EPB42: variants seen among roughly 807,000 people sequenced by gnomAD.
EPB42 encodes the protein protein 4.2.
EPB42 carries 49 observed loss-of-function variants against 76.9 expected under a neutral mutation model. That is an observed-to-expected ratio of 0.64 (90% CI 0.51 to 0.81). The LOEUF (loss-of-function observed/expected upper bound fraction) is 0.81. EPB42 is among the 30% of genes least tolerant of loss of function. The pLI, the probability that EPB42 is intolerant of heterozygous loss-of-function variation, is 0.00. For synonymous variants in EPB42, 310 were observed against 338.4 expected, an observed-to-expected ratio of 0.92 and a Z score of 0.92; for missense variants, 731 against 867.6, an observed-to-expected ratio of 0.84 and a Z score of 1.98.
intron 11 of EPB42, 74 bp downstream of exon 11, chr15:43,203,041 G>A (rs2042149102): frequency 3.2e-6 from 5 of 1,558,376 alleles, no homozygotes; most frequent in Non-Finnish European, 4.4e-6. Flanking sequence ...GCTCTGAAGG[G>A]GCCTGGATTC....
At chr15:43,202,042 A>C in intron 11 of EPB42, 65 bp from the exon 12 acceptor site, 1 of 1,610,194 alleles carries the variant, frequency 6.2e-7, no homozygotes, top group Admixed American at 1.7e-5. Context: ...CTCTCCTCCC[A>C]TGCACCCCTG....
Position 43,206,464 on chromosome 15 carries a change from A to C in EPB42, c.1484T>G (p.Val495Gly). ...CTGCTCACTGTGATTAACCAGCGTCACTGAGATCTGGGCATCCCCTCTCAG... is the reference window on the plus strand; with the variant it reads ...CTGCTCACTGTGATTAACCAGCGTCCCTGAGATCTGGGCATCCCCTCTCAG... ...LPLRGDAQIS[V>G]TLVNHSEQEK... The change falls in exon 10 of 13, where the codon GTG (valine) becomes GGG (glycine). Residue 495 changes from valine (V) to glycine (G), a missense_variant. Val to Gly is a moderately radical substitution (Grantham distance 109, BLOSUM62 -3). Transcript: ENST00000441366. The surrounding 1 kb of genome is among the most constrained non-coding windows in gnomAD (Gnocchi z 4.7). 6.2e-7 allele frequency: 1 copy of C among 1,614,192 alleles called. No individual in the cohort carries two copies. Among genetic ancestry groups the C allele is most frequent in the East Asian group, 2.2e-5 (1 of 44,878 alleles).
chr15:43,203,052 C>T, intron 11 of EPB42, 63 bp downstream of exon 11: 1 of 1,602,968 alleles, frequency 6.2e-7, no homozygotes, highest in East Asian at 2.2e-5. Flanking sequence ...GCCTGGATTC[C>T]TTCTGAAATG....
Position 43,215,312 on chromosome 15 carries a change from C to G in EPB42, c.213G>C (p.Lys71Asn). 1 of 1,614,216 alleles carries G rather than the reference C, an allele frequency of 6.2e-7. No homozygotes were observed. The highest frequency in any genetic ancestry group is 1.1e-5 in the South Asian group (1 of 91,088). ...LTAQTGEQPS[K>N]INRTQATFPI... ...GGAATGTGGCTTGGGTCCTGTTGAT[C>G]TTGGAAGGCTGCTCTCCTGTAGTCA... The change falls in exon 3 of 13, where the codon AAG becomes AAC. Residue 71 changes from lysine (K) to asparagine (N), a missense_variant. Coordinates refer to ENST00000441366, the MANE Select transcript of EPB42 (RefSeq NM_001114134.2).
Position 43,201,978 on chromosome 15 carries a change from C to A in EPB42, c.1780-1G>T, listed in dbSNP as rs910684161. On this transcript the variant is annotated splice_acceptor_variant, in intron 11 of 12. Transcript: ENST00000441366. LOFTEE classifies it high-confidence loss of function. ...GATACTGCTCTGCTTTCTCTGGCATCTGTGGGAAGAGGCAATACCTGGTGT... is the reference window on the plus strand; with the variant it reads ...GATACTGCTCTGCTTTCTCTGGCATATGTGGGAAGAGGCAATACCTGGTGT... 1 of 1,613,920 alleles carries A rather than the reference C, an allele frequency of 6.2e-7. No individual in the cohort carries two copies. Among genetic ancestry groups the A allele is most frequent in the Non-Finnish European group, 8.5e-7 (1 of 1,180,012 alleles).
intron 12 of EPB42, among the ~76,000 whole-genome samples, chr15:43,200,199 C>A (rs2042105788): frequency 1.3e-5 from 2 of 152,080 alleles, no homozygotes; most frequent in African/African-American, 4.8e-5. Flanking sequence ...AGCTTTGCCC[C>A]ACAACTGATT....
chr15:43,211,340 C>A (rs1175735906), intron 4 of EPB42, 76 bp downstream of exon 4: 4 of 968,972 alleles, frequency 4.1e-6, no homozygotes, highest in Admixed American at 3.4e-5. Flanking sequence ...TTGGACCTAC[C>A]AGCTCTGTCT....
At position 43,220,916 on chromosome 15, in the gene EPB42, C is replaced by T. The variant is rs917571328; in HGVS notation, c.-91G>A. On this transcript the variant is annotated 5_prime_UTR_variant, in exon 1 of 13. Transcript: ENST00000441366. Reference sequence around the variant, plus strand: ...GGCTCCTTCTGGGCTTTCTGTCTTCCAGACAGAAAATATGAAGGCACTTTT... The same window carrying T: ...GGCTCCTTCTGGGCTTTCTGTCTTCTAGACAGAAAATATGAAGGCACTTTT... 50 of 1,254,546 alleles carry T rather than the reference C, an allele frequency of 4.0e-5. No homozygotes were observed. Among genetic ancestry groups the T allele is most frequent in the Middle Eastern group, 2.1e-4 (1 of 4,842 alleles). The allele number at this position is 1,254,546 out of a possible 1,614,324, so 77.7% of individuals were successfully genotyped here.
intron 12 of EPB42, among the ~76,000 whole-genome samples, chr15:43,200,052 G>C (rs1005005160): frequency 6.6e-6 from 1 of 152,162 alleles, no homozygotes; most frequent in African/African-American, 2.4e-5. Flanking sequence ...TGGAACCCTT[G>C]CTTATTGCTA....
At chr15:43,208,421 G>C (rs1261460542) in intron 7 of EPB42, 88 bp from the exon 8 acceptor site, 1 of 1,468,098 alleles carries the variant, frequency 6.8e-7, no homozygotes. Context: ...AGCTGTTGTT[G>C]TTCCAGTGGG....
At chr15:43,214,180 T>C (rs1026967082) in intron 3 of EPB42, among the ~76,000 whole-genome samples, 1 of 152,202 alleles carries the variant, frequency 6.6e-6, no homozygotes, top group African/African-American at 2.4e-5. Flanking sequence ...GTGGGTGAGA[T>C]AGATTTAAAA....
chr15:43,202,020 G>C (rs1567271376), intron 11 of EPB42, 43 bp from the exon 12 acceptor site: 2 of 1,612,836 alleles, frequency 1.2e-6, no homozygotes, highest in Non-Finnish European at 1.7e-6. Flanking sequence ...CAAGGGCACA[G>C]CTGCAGTCAC....
At position 43,197,231 on chromosome 15, in the gene EPB42, T is replaced by G; in HGVS notation, c.*71A>C. On this transcript the variant is annotated 3_prime_UTR_variant, in exon 13 of 13. Coordinates refer to ENST00000441366, the MANE Select transcript of EPB42 (RefSeq NM_001114134.2). ...CACAAACACTGAGACGCAAAGTTTC[T>G]CTTCCTAGCACATGTTTGGTTTAGA... The G allele has an allele frequency of 6.2e-7, 1 of 1,601,896 alleles. No homozygotes were observed. The highest frequency in any genetic ancestry group is 1.3e-5 in the African/African-American group (1 of 74,794).
chr15:43,200,365 T>G (rs1316983368), intron 12 of EPB42, among the ~76,000 whole-genome samples: 1 of 152,198 alleles, frequency 6.6e-6, no homozygotes, highest in Admixed American at 6.5e-5. Context: ...TATCTTGAAC[T>G]TTATACTGTC....
At chr15:43,205,696 A>T (rs1248111461) in intron 10 of EPB42, among the ~76,000 whole-genome samples, 1 of 152,182 alleles carries the variant, frequency 6.6e-6, no homozygotes, top group African/African-American at 2.4e-5. Flanking sequence ...CACTGCGTCC[A>T]GCCCACCATA....
chr15:43,200,629 G>C (rs2042110986), intron 12 of EPB42, among the ~76,000 whole-genome samples: 1 of 152,138 alleles, frequency 6.6e-6, no homozygotes, highest in Non-Finnish European at 1.5e-5. Flanking sequence ...TGGACTGGAA[G>C]AAAATGTTAA....
intron 1 of EPB42, 103 bp from the exon 2 acceptor site, chr15:43,216,556 T>C (rs764618753): frequency 3.1e-6 from 4 of 1,307,006 alleles, no homozygotes; most frequent in Non-Finnish European, 4.3e-6. Context: ...AATCCTCGGC[T>C]CCACTTACGT....
chr15:43,210,739 A>G (rs1567278855), intron 4 of EPB42, among the ~76,000 whole-genome samples: 1 of 152,066 alleles, frequency 6.6e-6, no homozygotes, highest in Non-Finnish European at 1.5e-5. Context: ...GTTTCATTGC[A>G]CTGCATTCCA....
In EPB42 at chr15:43,207,312, C is replaced by G. The variant is rs749371513; in HGVS notation, c.1205G>C (p.Gly402Ala). The change falls in exon 9 of 13, where the codon GGG becomes GCG. Residue 402 changes from glycine to alanine, a missense_variant. Gly to Ala is a moderately conservative substitution (Grantham distance 60, BLOSUM62 0). Transcript: ENST00000441366. ...GTTGGAGTCAGTCAACTCCAGTGTC[C>G]CATCCTCACAGCACTTCCAGACCAC... ...SCVVWKCCED[G>A]TLELTDSNTK... 1 of 1,614,178 alleles carries G rather than the reference C, an allele frequency of 6.2e-7. No individual in the cohort carries two copies.
Sources: gnomAD v4.1 joint callset for allele counts (sites outside exome capture counted in the v4.1 genomes callset) on GRCh38, gnomAD v4.1.1 for gene constraint, Gnocchi (gnomAD v3.1) non-coding constraint, MANE v1.5 for transcripts, NCBI Gene and HGNC (gene_info 2026-07-23, HGNC 2026-07-21) for gene names.